BANF2: variants seen among roughly 807,000 people sequenced by gnomAD.
BANF2 encodes the protein barrier-to-autointegration factor-like protein.
Under a neutral mutation model 8.0 loss-of-function variants are expected in BANF2, and 4 were observed. The ratio of observed to expected loss-of-function variants is 0.50; its 90% confidence interval spans 0.25 to 1.14. BANF2 has a LOEUF of 1.14. Ranked by LOEUF, BANF2 falls within the 50% of genes most tolerant of loss-of-function variation. The probability of loss-of-function intolerance (pLI) is 0.16; values close to 1 mark genes in which losing one functional copy is unlikely to be tolerated. For synonymous variants in BANF2, 50 were observed against 40.6 expected (o/e 1.23, Z -0.88); for missense variants, 96 against 107.5 (o/e 0.89, Z 0.47).
intron 1 of BANF2, among the ~76,000 whole-genome samples, chr20:17,706,920 C>G (rs1207229114): frequency 6.6e-6 from 1 of 152,204 alleles, no homozygotes; most frequent in East Asian, 1.9e-4. Flanking sequence ...ATGGAATATA[C>G]AGATCCAAAC....
intron 1 of BANF2, among the ~76,000 whole-genome samples, chr20:17,703,033 G>C (rs2037432643): frequency 6.6e-6 from 1 of 152,078 alleles, no homozygotes; most frequent in African/African-American, 2.4e-5. Context: ...CCCTCTCCTG[G>C]CTTTCCCTTT....
intron 3 of BANF2, among the ~76,000 whole-genome samples, chr20:17,730,047 A>G (rs957231477): frequency 5.9e-5 from 9 of 152,234 alleles, no homozygotes; most frequent in African/African-American, 2.2e-4. Flanking sequence ...TGCAGACACT[A>G]TAAAGCCATA....
intron 3 of BANF2, among the ~76,000 whole-genome samples, chr20:17,730,571 A>T (rs1233767589): frequency 6.6e-6 from 1 of 152,090 alleles, no homozygotes; most frequent in Non-Finnish European, 1.5e-5. Flanking sequence ...GCATGCCGGC[A>T]GCCAACGATA....
At position 17,735,805 on chromosome 20, in the gene BANF2, C is replaced by T; in HGVS notation, c.267C>T (p.Phe89=). 1 of 1,613,112 alleles carries T rather than the reference C, an allele frequency of 6.2e-7. No individual in the cohort carries two copies. Among genetic ancestry groups the T allele is most frequent in the Non-Finnish European group, 8.5e-7 (1 of 1,179,618 alleles). ...GCCTCAAGGAGTGGTGTGCCTGCTT[C>T]CTGTAGACACAAACCTCATTGCTGC... ...SHCLKEWCAC[F]L is the part of the protein sequence containing the mutation. The change falls in exon 4 of 4, where the codon TTC becomes TTT. Residue 89 remains phenylalanine, a synonymous_variant. Coordinates refer to ENST00000246090, the MANE Select transcript of BANF2 (RefSeq NM_178477.5).
At chr20:17,694,193 A>G (rs1211839043) in intron 1 of BANF2, among the ~76,000 whole-genome samples, 3 of 152,222 alleles carry the variant, frequency 2.0e-5, no homozygotes, top group Admixed American at 2.0e-4. Flanking sequence ...ACAAGGTGGT[A>G]TGGGATGGGA....
At chr20:17,734,774 A>G (rs1484224447) in intron 3 of BANF2, among the ~76,000 whole-genome samples, 3 of 152,224 alleles carry the variant, frequency 2.0e-5, no homozygotes, top group Non-Finnish European at 2.9e-5. Flanking sequence ...TGTCCAAAAT[A>G]TCAATAGTGC....
chr20:17,735,415 A>G (rs2037962950), intron 3 of BANF2, among the ~76,000 whole-genome samples: 1 of 152,196 alleles, frequency 6.6e-6, no homozygotes. Flanking sequence ...TGAAGGGGGC[A>G]GGGTCTGACT....
chr20:17,695,238 G>C (rs1010983262), upstream of BANF2, among the ~76,000 whole-genome samples: 2 of 151,800 alleles, frequency 1.3e-5, no homozygotes, highest in East Asian at 1.9e-4. Context: ...CTTGAGCCCA[G>C]GGGTTTGAGA....
chr20:17,719,066 C>T (rs1337486514), intron 1 of BANF2, among the ~76,000 whole-genome samples: 1 of 152,190 alleles, frequency 6.6e-6, no homozygotes, highest in African/African-American at 2.4e-5. Context: ...GGGCGCTCCC[C>T]TGAAAGATGG....
In BANF2 at chr20:17,716,622, G is replaced by A. The variant is rs574619715; in HGVS notation, c.-166-6094G>A. ...CTCACACCTGTAATCCTAGCCCTTTGGGAGGCCGAGGAGGGTGGATCACTT... is the reference window on the plus strand; with the variant it reads ...CTCACACCTGTAATCCTAGCCCTTTAGGAGGCCGAGGAGGGTGGATCACTT... On this transcript the variant is annotated intron_variant, in intron 1 of 3. Transcript: ENST00000246090. Among the ~76,000 whole-genome samples the A allele has an allele frequency of 2.6e-5, 4 of 151,556 alleles. No homozygotes were observed. The South Asian group carries it at 6.2e-4, about 24-fold the overall frequency.
At chr20:17,721,701 G>A (rs1406373632) in intron 1 of BANF2, among the ~76,000 whole-genome samples, 1 of 152,146 alleles carries the variant, frequency 6.6e-6, no homozygotes, top group Non-Finnish European at 1.5e-5. Context: ...ACCTTTGGAA[G>A]TTTGCACATT....
chr20:17,695,051 C>G (rs1282860470), upstream of BANF2, among the ~76,000 whole-genome samples: 1 of 152,138 alleles, frequency 6.6e-6, no homozygotes, highest in Non-Finnish European at 1.5e-5. Flanking sequence ...GGGACAGGGA[C>G]TTTGACCAAG....
At chr20:17,711,908 C>T (rs2037579522) in intron 1 of BANF2, among the ~76,000 whole-genome samples, 1 of 152,224 alleles carries the variant, frequency 6.6e-6, no homozygotes, top group Non-Finnish European at 1.5e-5. Context: ...TCTCTCCAGG[C>T]CGTGTTAGAG....
intron 3 of BANF2, chr20:17,731,083 G>C (rs2037887307): frequency 6.6e-6 from 1 of 152,172 alleles, no homozygotes; most frequent in Admixed American, 6.5e-5. Context: ...GGCCAACATG[G>C]TGAAATCCCG....
upstream of BANF2, among the ~76,000 whole-genome samples, chr20:17,696,309 G>C (rs2037345766): frequency 6.6e-6 from 1 of 152,176 alleles, no homozygotes. Flanking sequence ...CCAGCTTGTA[G>C]ATGTGTTTTC....
At chr20:17,715,022 G>A (rs1035107086) in intron 1 of BANF2, among the ~76,000 whole-genome samples, 1 of 152,186 alleles carries the variant, frequency 6.6e-6, no homozygotes, top group Admixed American at 6.5e-5. Context: ...GGAACCAGAA[G>A]GATGAGGTCA....
chr20:17,723,063 T>C (rs145321087), intron 2 of BANF2, among the ~76,000 whole-genome samples, 185 bp downstream of exon 2: 1 of 152,154 alleles, frequency 6.6e-6, no homozygotes, highest in African/African-American at 2.4e-5. Flanking sequence ...TGCTGGGGAA[T>C]GTGTGGAGGA....
chr20:17,716,036 A>G (rs1032916105), intron 1 of BANF2, among the ~76,000 whole-genome samples: 4 of 152,024 alleles, frequency 2.6e-5, no homozygotes, highest in African/African-American at 9.7e-5. Flanking sequence ...CCACCCGCCG[A>G]GCAGCCCTCA....
chr20:17,728,080 A>G (rs1208452278), intron 3 of BANF2, among the ~76,000 whole-genome samples: 1 of 152,018 alleles, frequency 6.6e-6, no homozygotes, highest in Non-Finnish European at 1.5e-5. Context: ...ACAGGGAGGG[A>G]CATCTTTCTG....
Sources: allele counts gnomAD v4.1 joint callset (sites outside exome capture counted in the v4.1 genomes callset), GRCh38; gene constraint gnomAD v4.1.1; transcripts MANE v1.5; gene names NCBI Gene and HGNC (gene_info 2026-07-23, HGNC 2026-07-21).